Variants in PIK3CD observed in about 807,000 individuals in gnomAD.
PIK3CD encodes phosphatidylinositol-4,5-bisphosphate 3-kinase catalytic subunit delta, also known as phosphatidylinositol 4,5-bisphosphate 3-kinase catalytic subunit delta isoform.
Under a neutral mutation model 122.9 loss-of-function variants are expected in PIK3CD, and 20 were observed. The ratio of observed to expected loss-of-function variants is 0.16; its 90% CI spans 0.11 to 0.24. The LOEUF (loss-of-function observed/expected upper bound fraction) is 0.24. Among genes scored for constraint, PIK3CD ranks in the 10% least tolerant of loss-of-function variants. The pLI is 1.00. For missense variants in PIK3CD, 787 were observed against 1,406.3 expected (o/e 0.56, Z 7.04); for synonymous variants, 596 against 593.4 (o/e 1.00, Z -0.06).
the PIK3CD span, among the ~76,000 whole-genome samples, chr1:9,638,731 C>CGA: frequency 3.2e-4 from 22 of 69,218 alleles, no homozygotes; most frequent in African/African-American, 8.7e-4. Flanking sequence ...GACTCCTTCT[C>CGA]AAAAAAAAAA....
chr1:9,719,322 C>T lies in PIK3CD; in HGVS notation c.1242+407C>T, dbSNP rs534138060. Among the ~76,000 whole-genome samples the T allele has an allele frequency of 2.6e-4, 40 of 152,290 alleles. No homozygotes were observed. The highest frequency in any genetic ancestry group is 5.2e-4 in the Admixed American group (8 of 15,292). ...CGGAGCTGACTCACTCCGAGCTGAG[C>T]TGGGCTGGCCTCTGGGGCTGGGCTG... On this transcript the variant is annotated intron_variant, in intron 9 of 23. Transcript: ENST00000377346. The surrounding 1 kb of genome is among the most constrained non-coding windows in gnomAD (Gnocchi z 5.5).
Position 9,710,144 on chromosome 1 carries a change from T to C in PIK3CD, c.-32-280T>C. On this transcript the variant is annotated intron_variant, in intron 2 of 23. Coordinates refer to ENST00000377346, the MANE Select transcript of PIK3CD (RefSeq NM_005026.5). This position sits in a 1 kb window ranked among gnomAD's most constrained non-coding sequence, Gnocchi z 4.7. The stretch of plus-strand genomic sequence containing the variant: ...TGGCTTTCGTGGATGTGTATGTTCC[T>C]GAGGAAAGATGATTTGCTGTGCGTG... 1 of 423,222 alleles carries C rather than the reference T, an allele frequency of 2.4e-6. No homozygotes were observed. The highest frequency in any genetic ancestry group is 2.1e-5 in the South Asian group (1 of 47,664). The allele number at this position is 423,222 out of a possible 1,614,324, so 26.2% of individuals were successfully genotyped here.
chr1:9,632,159 T>C, the PIK3CD span, among the ~76,000 whole-genome samples: 33 of 152,034 alleles, frequency 2.2e-4, no homozygotes, highest in Non-Finnish European at 1.9e-4. Context: ...ATTACAGGCA[T>C]GCGCCACCAC....
intron 1 of PIK3CD, among the ~76,000 whole-genome samples, chr1:9,668,626 C>G (rs901498362): frequency 1.3e-5 from 2 of 152,088 alleles, no homozygotes; most frequent in Non-Finnish European, 2.9e-5. Flanking sequence ...TCACCCTCTC[C>G]CATGCTTCCC....
chr1:9,628,209 G>A, the PIK3CD span, among the ~76,000 whole-genome samples: 1 of 152,122 alleles, frequency 6.6e-6, no homozygotes, highest in African/African-American at 2.4e-5. Flanking sequence ...GGTTGAGGCA[G>A]GAAAATCGCT....
intron 2 of PIK3CD, among the ~76,000 whole-genome samples, chr1:9,699,600 C>CTTT (rs113698547): frequency 6.9e-6 from 1 of 145,752 alleles, no homozygotes; most frequent in Non-Finnish European, 1.5e-5. Context: ...TTTGTACTTT[C>CTTT]TTTTTTTTTT....
At chr1:9,636,896 TTTTC>T in the PIK3CD span, among the ~76,000 whole-genome samples, 1 of 139,790 alleles carries the variant, frequency 7.2e-6, no homozygotes, top group Non-Finnish European at 1.5e-5. Flanking sequence ...TTTTCTTTTC[TTTTC>T]TTTCTTTTTT....
upstream of PIK3CD, among the ~76,000 whole-genome samples, chr1:9,649,811 A>G (rs950646062): frequency 8.5e-5 from 13 of 152,148 alleles, no homozygotes; most frequent in African/African-American, 2.2e-4. Context: ...CACCACCCCC[A>G]TACTCTTGGT....
At chr1:9,721,041 C>G in intron 13 of PIK3CD, 86 bp from the exon 14 acceptor site, 1 of 1,459,104 alleles carries the variant, frequency 6.9e-7, no homozygotes, top group Non-Finnish European at 9.4e-7. Context: ...CACCCACCAC[C>G]CTGACCCTGG....
chr1:9,714,470 G>C (rs1289923557), intron 3 of PIK3CD, among the ~76,000 whole-genome samples: 1 of 152,118 alleles, frequency 6.6e-6, no homozygotes, highest in Non-Finnish European at 1.5e-5. Context: ...GCTCACCCCT[G>C]GTCTATGTTA....
chr1:9,666,285 G>A (rs895365695), intron 1 of PIK3CD, among the ~76,000 whole-genome samples: 2 of 128,288 alleles, frequency 1.6e-5, no homozygotes, highest in African/African-American at 6.1e-5. Context: ...CTGTCACCGA[G>A]GCTGGAGTAC....
In PIK3CD at chr1:9,705,025, C is replaced by T. The variant is rs149737965; in HGVS notation, c.-32-5399C>T. Among the ~76,000 whole-genome samples the T allele has an allele frequency of 3.9e-4, 59 of 152,316 alleles. 1 individual carries two copies. Among genetic ancestry groups the T allele is most frequent in the Admixed American group, 6.5e-4 (10 of 15,288 alleles). The stretch of plus-strand genomic sequence containing the variant: ...GGCGCTGCCACCCAATCAACACCTG[C>T]CTTCAACCAAATATTTCTTTTCAAC... On this transcript the variant is annotated intron_variant, in intron 2 of 23. Transcript: ENST00000377346.
At position 9,718,298 on chromosome 1, in the gene PIK3CD, C is replaced by A; in HGVS notation, c.1021-396C>A. On this transcript the variant is annotated intron_variant, in intron 8 of 23. Coordinates refer to ENST00000377346, the MANE Select transcript of PIK3CD (RefSeq NM_005026.5). This position sits in a 1 kb window ranked among gnomAD's most constrained non-coding sequence, Gnocchi z 7.2. Reference sequence around the variant, plus strand: ...GGTGTCAGGTGGAATTGGAAGGGGCCGGACATCAGGTGGCAGGAAAAGTCC... The same window carrying A: ...GGTGTCAGGTGGAATTGGAAGGGGCAGGACATCAGGTGGCAGGAAAAGTCC... 2.2e-6 allele frequency: 1 copy of A among 459,052 alleles called. No individual in the cohort carries two copies. The highest frequency in any genetic ancestry group is 1.7e-5 in the South Asian group (1 of 60,388). 28.4% of individuals were successfully genotyped at this position (459,052 alleles called of 1,614,324 possible). A position where few individuals can be genotyped will look rare whatever the true frequency, so the allele number is the denominator to read the frequency against.
upstream of PIK3CD, among the ~76,000 whole-genome samples, chr1:9,650,915 A>T (rs376051793): frequency 5.3e-5 from 8 of 152,172 alleles, no homozygotes; most frequent in Middle Eastern, 3.4e-3. Context: ...GCCATCATGG[A>T]TCACTGCAGC....
chr1:9,715,794 G>A lies in PIK3CD; in HGVS notation c.370+25G>A, dbSNP rs769804632. 183 of 1,612,448 alleles carry A rather than the reference G, an allele frequency of 1.1e-4. No individual in the cohort carries two copies. In the Middle Eastern group the frequency reaches 1.2e-3, roughly 10 times the overall value. On this transcript the variant is annotated intron_variant, in intron 4 of 23. Coordinates refer to ENST00000377346, the MANE Select transcript of PIK3CD (RefSeq NM_005026.5). This position sits in a 1 kb window ranked among gnomAD's most constrained non-coding sequence, Gnocchi z 4.1. ...GGTAGCTCTGCCGAGTGGGCCGTGT[G>A]GCCGGGCTGGCCCTGCCTGCCCCAC... is the stretch of plus-strand genomic sequence containing the variant.
At position 9,673,680 on chromosome 1, in the gene PIK3CD, G is replaced by T. The variant is rs141242470; in HGVS notation, c.-137-17787G>T. Among the ~76,000 whole-genome samples, 1,197 of 152,330 alleles carry T rather than the reference G, an allele frequency of 7.9e-3. 35 individuals are homozygous for T. Among genetic ancestry groups the T allele is most frequent in the Admixed American group, 0.049 (752 of 15,300 alleles). On this transcript the variant is annotated intron_variant, in intron 1 of 23. Coordinates refer to ENST00000377346, the MANE Select transcript of PIK3CD (RefSeq NM_005026.5). The stretch of plus-strand genomic sequence containing the variant: ...AGCCTCCCGAAGTGCCGGAATTGCA[G>T]ATGTGAGCCACAGCGCCCGGCCTTC...
chr1:9,721,802 T>C lies in PIK3CD; in HGVS notation c.1997T>C (p.Leu666Pro). 1 of 1,613,232 alleles carries C rather than the reference T, an allele frequency of 6.2e-7. No homozygotes were observed. Among genetic ancestry groups the C allele is most frequent in the Non-Finnish European group, 8.5e-7 (1 of 1,179,938 alleles). Residue 666 changes from leucine to proline, a missense_variant, in exon 16 of 24, where the codon CTC becomes CCC. Coordinates refer to ENST00000377346, the MANE Select transcript of PIK3CD (RefSeq NM_005026.5). The part of the protein sequence containing the change: ...HVPSVALRFG[L>P]ILEAYCRGST... ...CCGTCGGTGGCCCTGCGCTTCGGCCTCATCCTGGAGGCCTACTGCAGGGGC... is the reference window on the plus strand; with the variant it reads ...CCGTCGGTGGCCCTGCGCTTCGGCCCCATCCTGGAGGCCTACTGCAGGGGC...
rs1053634987 is a variant in PIK3CD at position 9,652,238 on chromosome 1, C to T, written c.-138+436C>T. On this transcript the variant is annotated intron_variant, in intron 1 of 23. Coordinates refer to ENST00000377346, the MANE Select transcript of PIK3CD (RefSeq NM_005026.5). The surrounding 1 kb of genome is among the most constrained non-coding windows in gnomAD (Gnocchi z 6.2). ...CGAGCGCTGACTAGAGGACCAGGGG[C>T]CTCCTCTGTACGGCAGCGGGGTCCA... Among the ~76,000 whole-genome samples the T allele has an allele frequency of 6.6e-6, 1 of 152,234 alleles. No homozygotes were observed. Among genetic ancestry groups the T allele is most frequent in the African/African-American group, 2.4e-5 (1 of 41,472 alleles).
intron 3 of PIK3CD, among the ~76,000 whole-genome samples, chr1:9,711,440 C>T (rs1009971126): frequency 2.6e-5 from 4 of 152,160 alleles, no homozygotes; most frequent in Admixed American, 2.0e-4. Context: ...CTTGTGGTTG[C>T]GTCCAATTAT....
Sources: gnomAD v4.1 joint callset for allele counts (sites outside exome capture counted in the v4.1 genomes callset) on GRCh38, gnomAD v4.1.1 for gene constraint, Gnocchi (gnomAD v3.1) non-coding constraint, MANE v1.5 for transcripts, NCBI Gene and HGNC (gene_info 2026-07-23, HGNC 2026-07-21) for gene names.